The following ESRRB variants were observed in gnomAD, a reference collection of about 807,000 sequenced individuals.
ESRRB encodes the protein estrogen related receptor beta, also known as steroid hormone receptor ERR2.
Under a neutral mutation model 46.0 loss-of-function variants are expected in ESRRB, and 16 were observed. The ratio of observed to expected loss-of-function variants is 0.35; its 90% CI spans 0.24 to 0.53. The LOEUF is 0.53. Among genes scored for constraint, ESRRB ranks in the 20% least tolerant of loss-of-function variants. The probability of loss-of-function intolerance (pLI) is 0.93; values close to 1 mark genes in which losing one functional copy is unlikely to be tolerated. For missense variants in ESRRB, 488 were observed against 607.4 expected (o/e 0.80, Z 2.07); for synonymous variants, 246 against 259.6 (o/e 0.95, Z 0.50).
intron 1 of ESRRB, among the ~76,000 whole-genome samples, chr14:76,354,560 C>T (rs1884355528): frequency 6.6e-6 from 1 of 151,848 alleles, no homozygotes; most frequent in South Asian, 2.1e-4. Flanking sequence ...ATGGGAGACA[C>T]TCTTACCACA....
At chr14:76,449,884 G>A (rs1032101026) in intron 2 of ESRRB, among the ~76,000 whole-genome samples, 2 of 151,484 alleles carry the variant, frequency 1.3e-5, no homozygotes, top group African/African-American at 4.9e-5. Context: ...GCCTTCTGAG[G>A]AGCTGGAATT....
chr14:76,482,497 G>A lies in ESRRB; in HGVS notation c.689-101G>A, dbSNP rs1396052496. ...TTATAGCCGCTTTGACCTTCCTGGA[G>A]CTCTTAGGAACCCAACTTTGCTTCC... On this transcript the variant is annotated intron_variant, in intron 4 of 6. Transcript: ENST00000644823. This position sits in a 1 kb window ranked among gnomAD's most constrained non-coding sequence, Gnocchi z 4.3. 1 of 1,228,822 alleles carries A rather than the reference G, an allele frequency of 8.1e-7. No individual in the cohort carries two copies. Among genetic ancestry groups the A allele is most frequent in the Admixed American group, 1.8e-5 (1 of 56,574 alleles). The allele number at this position is 1,228,822 out of a possible 1,614,324, so 76.1% of individuals were successfully genotyped here.
intron 3 of ESRRB, among the ~76,000 whole-genome samples, chr14:76,472,226 G>A (rs972156580): frequency 2.8e-4 from 43 of 152,200 alleles, no homozygotes; most frequent in African/African-American, 8.9e-4. Context: ...TGTGTCAGGC[G>A]TACAGTTTTG....
chr14:76,403,576 T>A (rs901213327), intron 1 of ESRRB, among the ~76,000 whole-genome samples: 15 of 152,070 alleles, frequency 9.9e-5, no homozygotes, highest in Admixed American at 5.2e-4. Flanking sequence ...CTCAGGGTGT[T>A]CTGAGCCATC....
intron 1 of ESRRB, among the ~76,000 whole-genome samples, chr14:76,433,759 T>A (rs1887551478): frequency 6.6e-6 from 1 of 152,214 alleles, no homozygotes; most frequent in Non-Finnish European, 1.5e-5. Context: ...CCCAGACACT[T>A]CCTGACTGCT....
intron 1 of ESRRB, among the ~76,000 whole-genome samples, chr14:76,331,146 A>C (rs957130013): frequency 2.0e-5 from 3 of 152,134 alleles, no homozygotes; most frequent in African/African-American, 4.8e-5. Flanking sequence ...CTGCCGTCCC[A>C]AATCCCGGCC....
At chr14:76,384,428 G>A (rs938399961) in intron 1 of ESRRB, among the ~76,000 whole-genome samples, 1 of 152,052 alleles carries the variant, frequency 6.6e-6, no homozygotes, top group Admixed American at 6.6e-5. Flanking sequence ...AAATATCTTC[G>A]TGCAAACATA....
rs1005834164 is a variant in ESRRB at position 76,376,166 on chromosome 14, G to A, written c.-236G>A. 5 of 387,864 alleles carry A rather than the reference G, an allele frequency of 1.3e-5. No individual in the cohort carries two copies. The highest frequency in any genetic ancestry group is 2.1e-5 in the African/African-American group (1 of 48,366). The allele number at this position is 387,864 out of a possible 1,614,324, so 24.0% of individuals were successfully genotyped here. A position where few individuals can be genotyped will look rare whatever the true frequency, so the allele number is the denominator to read the frequency against. Reference sequence around the variant, plus strand: ...CTCTTGTGCCCCAGCCTCCTCCACGGCTTCGCATCCCCTCTGCCCGCTCTC... The same window carrying A: ...CTCTTGTGCCCCAGCCTCCTCCACGACTTCGCATCCCCTCTGCCCGCTCTC... On this transcript the variant is annotated 5_prime_UTR_variant, in exon 1 of 7. Transcript: ENST00000644823. This position sits in a 1 kb window ranked among gnomAD's most constrained non-coding sequence, Gnocchi z 4.1.
chr14:76,337,882 G>A (rs575527633), intron 1 of ESRRB, among the ~76,000 whole-genome samples: 89 of 152,292 alleles, frequency 5.8e-4, no homozygotes, highest in African/African-American at 1.9e-3. Context: ...CACAAGCTCC[G>A]GGGCTGCAGC....
chr14:76,409,910 C>T (rs766534051), intron 1 of ESRRB, among the ~76,000 whole-genome samples: 7 of 152,072 alleles, frequency 4.6e-5, no homozygotes, highest in Non-Finnish European at 8.8e-5. Context: ...TTACCCCATT[C>T]GGGAGAATGA....
At chr14:76,373,794 A>G (rs1275792885), upstream of ESRRB, among the ~76,000 whole-genome samples, 5 of 152,212 alleles carry the variant, frequency 3.3e-5, no homozygotes, top group African/African-American at 7.2e-5. Flanking sequence ...GTGCCCAGAG[A>G]TAAGGCTCTG....
chr14:76,482,448 A>T lies in ESRRB; in HGVS notation c.689-150A>T, dbSNP rs1889845140. 2 of 756,742 alleles carry T rather than the reference A, an allele frequency of 2.6e-6. No homozygotes were observed. The highest frequency in any genetic ancestry group is 3.4e-5 in the South Asian group (2 of 58,226). 46.9% of individuals were successfully genotyped at this position (756,742 alleles called of 1,614,324 possible). A position where few individuals can be genotyped will look rare whatever the true frequency, so the allele number is the denominator to read the frequency against. On this transcript the variant is annotated intron_variant, in intron 4 of 6. Coordinates refer to ENST00000644823, the MANE Select transcript of ESRRB (RefSeq NM_001379180.1). The surrounding 1 kb of genome is among the most constrained non-coding windows in gnomAD (Gnocchi z 4.3). ...CCAGATCACCACTACCAGCAACTTCATGGAGCCAGAACAGGAGGGGAGATT... is the reference window on the plus strand; with the variant it reads ...CCAGATCACCACTACCAGCAACTTCTTGGAGCCAGAACAGGAGGGGAGATT...
chr14:76,363,163 A>T (rs1032192329), intron 1 of ESRRB, among the ~76,000 whole-genome samples: 2 of 152,240 alleles, frequency 1.3e-5, no homozygotes, highest in African/African-American at 4.8e-5. Context: ...GGAAGAAACG[A>T]AAATAAAACC....
chr14:76,330,446 G>A (rs1883998997), intron 1 of ESRRB, among the ~76,000 whole-genome samples: 1 of 152,354 alleles, frequency 6.6e-6, no homozygotes. Flanking sequence ...CCCAAAGCAG[G>A]AACTAACCAC....
intron 6 of ESRRB, among the ~76,000 whole-genome samples, chr14:76,497,445 G>A (rs1890476380): frequency 6.6e-6 from 1 of 152,160 alleles, no homozygotes; most frequent in Non-Finnish European, 1.5e-5. Flanking sequence ...CAGCTGTAAC[G>A]TGGCCGTCAG....
intron 5 of ESRRB, among the ~76,000 whole-genome samples, chr14:76,490,857 C>T (rs147245777): frequency 1.1e-3 from 163 of 152,282 alleles, no homozygotes; most frequent in African/African-American, 3.5e-3. Context: ...CCCCTGACCC[C>T]GGGGGCTCTT....
At chr14:76,443,002 G>C (rs1887985896) in intron 2 of ESRRB, among the ~76,000 whole-genome samples, 2 of 151,720 alleles carry the variant, frequency 1.3e-5, no homozygotes, top group African/African-American at 4.8e-5. Context: ...TTTTAGTAGA[G>C]ATGTGGTTTC....
At chr14:76,438,846 G>A (rs1887782806) in intron 1 of ESRRB, among the ~76,000 whole-genome samples, 1 of 152,092 alleles carries the variant, frequency 6.6e-6, no homozygotes, top group African/African-American at 2.4e-5. Flanking sequence ...TACCACCCAT[G>A]CTGGAACGTA....
At chr14:76,486,569 T>G (rs76226607) in intron 5 of ESRRB, among the ~76,000 whole-genome samples, 1 of 148,638 alleles carries the variant, frequency 6.7e-6, no homozygotes, top group African/African-American at 2.5e-5. Context: ...TTTTTTTTTT[T>G]CCCCCTTCAA....
Sources: gnomAD v4.1 joint callset for allele counts (sites outside exome capture counted in the v4.1 genomes callset) on GRCh38, gnomAD v4.1.1 for gene constraint, Gnocchi (gnomAD v3.1) non-coding constraint, MANE v1.5 for transcripts, NCBI Gene and HGNC (gene_info 2026-07-23, HGNC 2026-07-21) for gene names.